The following GRM7 variants were observed in gnomAD, a reference collection of about 807,000 sequenced individuals.
The protein encoded by GRM7 is metabotropic glutamate receptor 7.
GRM7 carries 35 observed loss-of-function variants against 84.5 expected under a neutral mutation model. The observed-to-expected ratio is 0.41, with a 90% CI of 0.32 to 0.55. GRM7 has a LOEUF of 0.55. Ranked by LOEUF, GRM7 falls within the 20% of genes least tolerant of loss-of-function variation. The pLI is 0.19. For missense variants in GRM7, 1,003 were observed against 1,194.6 expected (o/e 0.84, Z 2.36); for synonymous variants, 487 against 455.1 (o/e 1.07, Z -0.89).
At chr3:7,348,548 G>T (rs1692993039) in intron 4 of GRM7, among the ~76,000 whole-genome samples, 1 of 152,082 alleles carries the variant, frequency 6.6e-6, no homozygotes. Context: ...AGTGCATAAA[G>T]TTGCTAATAT....
At chr3:7,313,270 T>G (rs6443102) in intron 4 of GRM7, among the ~76,000 whole-genome samples, 54,073 of 151,904 alleles carry the variant, frequency 0.36, 10,030 homozygotes, top group East Asian at 0.45. Context: ...GACAGGATAC[T>G]TGGAGCTGCT....
At chr3:7,293,034 C>A (rs370835033) in intron 2 of GRM7, among the ~76,000 whole-genome samples, 930 of 120,136 alleles carry the variant, frequency 7.7e-3, no homozygotes, top group Middle Eastern at 8.8e-3. Flanking sequence ...GACTTGGTCT[C>A]AAAAAAAAAA....
chr3:7,043,078 A>G (rs1297484958), intron 1 of GRM7, among the ~76,000 whole-genome samples: 1 of 152,170 alleles, frequency 6.6e-6, no homozygotes, highest in East Asian at 1.9e-4. Flanking sequence ...TCCATACATT[A>G]TGAGGTTTTC....
intron 8 of GRM7, among the ~76,000 whole-genome samples, chr3:7,582,610 C>T (rs1168579994): frequency 1.3e-5 from 2 of 152,040 alleles, no homozygotes; most frequent in East Asian, 1.9e-4. Context: ...GAATTGTGTC[C>T]TCTAAAATGG....
chr3:7,262,310 T>C (rs186012258), intron 2 of GRM7, among the ~76,000 whole-genome samples: 55 of 152,308 alleles, frequency 3.6e-4, no homozygotes, highest in African/African-American at 1.3e-3. Flanking sequence ...TTCTTCTTTT[T>C]TTAAAATTCA....
chr3:7,107,878 C>A (rs1353069909), intron 1 of GRM7, among the ~76,000 whole-genome samples: 4 of 151,914 alleles, frequency 2.6e-5, no homozygotes, highest in African/African-American at 4.8e-5. Context: ...AGAGGTAGGA[C>A]ATTGCCAAAG....
chr3:7,063,592 T>A (rs1053122267), intron 1 of GRM7, among the ~76,000 whole-genome samples: 1 of 151,804 alleles, frequency 6.6e-6, no homozygotes, highest in African/African-American at 2.4e-5. Flanking sequence ...AGCTCTCAGA[T>A]AATTACTTTC....
At chr3:7,016,246 C>G (rs750367031) in intron 1 of GRM7, among the ~76,000 whole-genome samples, 1 of 152,140 alleles carries the variant, frequency 6.6e-6, no homozygotes, top group African/African-American at 2.4e-5. Flanking sequence ...ACCAGGAGGT[C>G]GGTCTAGGGC....
In GRM7 at chr3:7,045,771, A is replaced by G. The variant is rs1258498693; in HGVS notation, c.520-100681A>G. Reference sequence around the variant, plus strand: ...TATTTGTGTATGTCATATTTTCATTATTCATCTGTCAGTGGACATTTAGGT... The same window carrying G: ...TATTTGTGTATGTCATATTTTCATTGTTCATCTGTCAGTGGACATTTAGGT... On this transcript the variant is annotated intron_variant, in intron 1 of 9. Coordinates refer to ENST00000357716, the MANE Select transcript of GRM7 (RefSeq NM_000844.4). Among the ~76,000 whole-genome samples the G allele has an allele frequency of 2.6e-5, 4 of 152,090 alleles. No homozygotes were observed. The East Asian group carries it at 7.7e-4, about 29-fold the overall frequency.
At chr3:7,605,852 A>T (rs948665225) in intron 8 of GRM7, among the ~76,000 whole-genome samples, 1 of 152,226 alleles carries the variant, frequency 6.6e-6, no homozygotes, top group Admixed American at 6.5e-5. Context: ...CATCTCCATC[A>T]CAGCTACTGA....
At chr3:7,660,807 G>T (rs1365470498) in intron 8 of GRM7, among the ~76,000 whole-genome samples, 1 of 151,822 alleles carries the variant, frequency 6.6e-6, no homozygotes, top group Non-Finnish European at 1.5e-5. Flanking sequence ...GTAGAGTCCA[G>T]AACTAAACCC....
chr3:7,611,262 G>A (rs1696833315), intron 8 of GRM7, among the ~76,000 whole-genome samples: 1 of 152,132 alleles, frequency 6.6e-6, no homozygotes, highest in Non-Finnish European at 1.5e-5. Flanking sequence ...CCAATAGTGA[G>A]TGCTAATAAT....
intron 4 of GRM7, among the ~76,000 whole-genome samples, chr3:7,330,444 T>G (rs1346512777): frequency 6.6e-6 from 1 of 152,118 alleles, no homozygotes; most frequent in African/African-American, 2.4e-5. Context: ...TTCCTTTCTT[T>G]CCCTTTTTAA....
At chr3:7,233,368 G>C (rs1697254204) in intron 2 of GRM7, among the ~76,000 whole-genome samples, 1 of 152,114 alleles carries the variant, frequency 6.6e-6, no homozygotes, top group Non-Finnish European at 1.5e-5. Flanking sequence ...TTAAATATCA[G>C]TGACTAATCC....
intron 4 of GRM7, among the ~76,000 whole-genome samples, chr3:7,319,861 T>C (rs1158790792): frequency 6.6e-6 from 1 of 152,022 alleles, no homozygotes; most frequent in Non-Finnish European, 1.5e-5. Flanking sequence ...GAAGTATAAT[T>C]AGCATAGACT....
chr3:7,578,393 G>A (rs1479150925), intron 7 of GRM7, 29 bp from the exon 8 acceptor site: 1 of 1,454,316 alleles, frequency 6.9e-7, no homozygotes, highest in Admixed American at 1.8e-5. Flanking sequence ...GAATCTGCCT[G>A]ATTCACCTTC....
chr3:7,551,454 C>G (rs1693470454), intron 7 of GRM7, among the ~76,000 whole-genome samples: 1 of 152,108 alleles, frequency 6.6e-6, no homozygotes, highest in Non-Finnish European at 1.5e-5. Context: ...TCCTTTGTCT[C>G]TGACCTAGGA....
At chr3:7,085,574 A>G (rs979867034) in intron 1 of GRM7, among the ~76,000 whole-genome samples, 3 of 152,166 alleles carry the variant, frequency 2.0e-5, no homozygotes, top group African/African-American at 7.2e-5. Context: ...GGAAACTAGA[A>G]TAACTTTAGA....
At chr3:7,504,355 C>T (rs922686871) in intron 7 of GRM7, among the ~76,000 whole-genome samples, 1 of 152,172 alleles carries the variant, frequency 6.6e-6, no homozygotes, top group Non-Finnish European at 1.5e-5. Flanking sequence ...CAATCAGCTG[C>T]CTCCTTCTCT....
Sources: gnomAD v4.1 joint callset for allele counts (sites outside exome capture counted in the v4.1 genomes callset) on GRCh38, gnomAD v4.1.1 for gene constraint, MANE v1.5 for transcripts, NCBI Gene and HGNC (gene_info 2026-07-23, HGNC 2026-07-21) for gene names.